SH3TC2: variants seen among roughly 807,000 people sequenced by gnomAD.
The protein encoded by SH3TC2 is SH3 domain and tetratricopeptide repeat-containing protein 2.
In SH3TC2, 87 loss-of-function variants were observed where a neutral mutation model predicts 124.5. The ratio of observed to expected loss-of-function variants is 0.70; its 90% confidence interval spans 0.59 to 0.84. The LOEUF is 0.84. SH3TC2 is among the 40% of genes least tolerant of loss of function. The probability of loss-of-function intolerance (pLI) is 0.00; values close to 1 mark genes in which losing one functional copy is unlikely to be tolerated. For missense variants in SH3TC2, 1,536 were observed against 1,566.4 expected (o/e 0.98, Z 0.33); for synonymous variants, 634 against 628.5 (o/e 1.01, Z -0.13).
chr5:149,007,283 T>C (rs1753707349), intron 15 of SH3TC2: 3 of 654,414 alleles, frequency 4.6e-6, no homozygotes, highest in Non-Finnish European at 8.3e-6. Flanking sequence ...CACAAACAAA[T>C]GTAACATTAC....
intron 14 of SH3TC2, among the ~76,000 whole-genome samples, chr5:149,009,912 C>T (rs1025938252): frequency 2.0e-5 from 3 of 152,084 alleles, no homozygotes; most frequent in African/African-American, 7.2e-5. Context: ...TAAATAATCT[C>T]CCACCACACC....
chr5:149,030,524 G>C (rs374135607), intron 9 of SH3TC2, among the ~76,000 whole-genome samples: 5 of 152,188 alleles, frequency 3.3e-5, no homozygotes, highest in African/African-American at 9.7e-5. Flanking sequence ...CAGACATCAG[G>C]CTCCCGCCTA....
rs1182765525 is a variant in SH3TC2 at position 148,984,934 on chromosome 5, CA to C, written c.*19776del. On this transcript the variant is annotated 3_prime_UTR_variant, in exon 17 of 17. Coordinates refer to ENST00000515425, the MANE Select transcript of SH3TC2 (RefSeq NM_024577.4). ...TAATGGGTTATAGAGGTACCATTTA[CA>C]AAGTGTATAAAACAGGACAGGAAGT... 1.3e-5 allele frequency among the ~76,000 whole-genome samples: 2 copies of C among 152,120 alleles called. No homozygotes were observed. Among genetic ancestry groups the C allele is most frequent in the Non-Finnish European group, 2.9e-5 (2 of 68,020 alleles).
At position 148,995,730 on chromosome 5, in the gene SH3TC2, A is replaced by G. The variant is rs754669664; in HGVS notation, c.*8981T>C. Among the ~76,000 whole-genome samples, 3 of 152,106 alleles carry G rather than the reference A, an allele frequency of 2.0e-5. No homozygotes were observed. Among genetic ancestry groups the G allele is most frequent in the Non-Finnish European group, 4.4e-5 (3 of 68,024 alleles). On this transcript the variant is annotated 3_prime_UTR_variant, in exon 17 of 17. Transcript: ENST00000515425. Reference sequence around the variant, plus strand: ...CTTTATTGAGAGCCTGCCATGCATCAGACACTGGGCTGGGCTCCAGAAATA... The same window carrying G: ...CTTTATTGAGAGCCTGCCATGCATCGGACACTGGGCTGGGCTCCAGAAATA...
chr5:148,993,479 TTGAG>T lies in SH3TC2; in HGVS notation c.*11228_*11231del, dbSNP rs1369630306. 6.6e-6 allele frequency among the ~76,000 whole-genome samples: 1 copy of T among 152,220 alleles called. No individual in the cohort carries two copies. The highest frequency in any genetic ancestry group is 1.9e-4 in the East Asian group (1 of 5,202). ...AACATTTATCTTGGAGTAAAAATGATTGAGTAAGCATTAATTAAGAAAATACTTT... is the reference window on the plus strand; with the variant it reads ...AACATTTATCTTGGAGTAAAAATGATTAAGCATTAATTAAGAAAATACTTT... On this transcript the variant is annotated 3_prime_UTR_variant, in exon 17 of 17. Transcript: ENST00000515425.
chr5:149,028,149 G>T lies in SH3TC2; in HGVS notation c.1583C>A (p.Ala528Asp), dbSNP rs537134516. The stretch of plus-strand genomic sequence containing the variant: ...CCGGCCCAGGAGGAAGCAGAGACGG[G>T]CATGGGCCCAGGTCATGTGGCTCTT... Reference protein sequence around the residue: ...AKKSHMTWAHARLCFLLGRLS... With the variant: ...AKKSHMTWAHDRLCFLLGRLS... Residue 528 changes from alanine (A) to aspartate (D), a missense_variant, in exon 11 of 17, where the codon GCC becomes GAC. Coordinates refer to ENST00000515425, the MANE Select transcript of SH3TC2 (RefSeq NM_024577.4). The T allele has an allele frequency of 2.5e-6, 4 of 1,614,092 alleles. No individual in the cohort carries two copies. The highest frequency in any genetic ancestry group is 3.4e-6 in the Non-Finnish European group (4 of 1,180,016).
At position 148,988,008 on chromosome 5, in the gene SH3TC2, T is replaced by A. The variant is rs574169561; in HGVS notation, c.*16703A>T. ...GTGCCGAGAATGCTGTTGCACCTCC[T>A]CTGGCCAAGGACAGAGAGTCATATC... On this transcript the variant is annotated 3_prime_UTR_variant, in exon 17 of 17. Coordinates refer to ENST00000515425, the MANE Select transcript of SH3TC2 (RefSeq NM_024577.4). Among the ~76,000 whole-genome samples, 18 of 152,262 alleles carry A rather than the reference T, an allele frequency of 1.2e-4. No individual in the cohort carries two copies. Among genetic ancestry groups the A allele is most frequent in the African/African-American group, 4.3e-4 (18 of 41,540 alleles).
At chr5:149,018,731 C>A (rs1222768450) in intron 12 of SH3TC2, among the ~76,000 whole-genome samples, 1 of 152,178 alleles carries the variant, frequency 6.6e-6, no homozygotes, top group Admixed American at 6.5e-5. Flanking sequence ...AGCTGATCAC[C>A]AAAACCTGTC....
chr5:149,004,549 C>A lies in SH3TC2; in HGVS notation c.*162G>T. 1 of 713,670 alleles carries A rather than the reference C, an allele frequency of 1.4e-6. No individual in the cohort carries two copies. Among genetic ancestry groups the A allele is most frequent in the Non-Finnish European group, 2.3e-6 (1 of 429,926 alleles). 44.2% of individuals were successfully genotyped at this position (713,670 alleles called of 1,614,324 possible). A position where few individuals can be genotyped will look rare whatever the true frequency, so the allele number is the denominator to read the frequency against. On this transcript the variant is annotated 3_prime_UTR_variant, in exon 17 of 17. Transcript: ENST00000515425. ...GCTGCACCATCAAATCTTTCTGTGG[C>A]CTGCAATGAGCCCTTCTCCTCCTGG...
intron 12 of SH3TC2, among the ~76,000 whole-genome samples, chr5:149,014,630 C>T (rs909306374): frequency 2.0e-5 from 3 of 152,174 alleles, no homozygotes; most frequent in African/African-American, 7.2e-5. Flanking sequence ...GATTTATTGA[C>T]ATCCCAATGG....
chr5:149,021,882 T>TTAAAGAAATTGAAGAGGAAGGAA (rs1753977762), intron 12 of SH3TC2, among the ~76,000 whole-genome samples: 6 of 55,296 alleles, frequency 1.1e-4, no homozygotes, highest in Non-Finnish European at 1.5e-4. Flanking sequence ...CACAAACTCT[T>TTAAAGAAATTGAAGAGGAAGGAA]TCTTTTTTTT....
At chr5:149,016,264 A>C (rs1195672880) in intron 12 of SH3TC2, among the ~76,000 whole-genome samples, 1 of 152,338 alleles carries the variant, frequency 6.6e-6, no homozygotes, top group African/African-American at 2.4e-5. Context: ...TTAAACCAGG[A>C]TCTAACTTTC....
intron 2 of SH3TC2, among the ~76,000 whole-genome samples, chr5:149,050,713 C>T (rs1322468039): frequency 2.0e-5 from 3 of 152,268 alleles, no homozygotes; most frequent in East Asian, 3.9e-4. Context: ...TATGGCTATA[C>T]CACCCTGAAC....
rs921675288 is a variant in SH3TC2 at position 149,001,640 on chromosome 5, A to G, written c.*3071T>C. 6.6e-6 allele frequency: 1 copy of G among 152,240 alleles called. No individual in the cohort carries two copies. The highest frequency in any genetic ancestry group is 1.5e-5 in the Non-Finnish European group (1 of 68,040). 9.4% of individuals were successfully genotyped at this position (152,240 alleles called of 1,614,324 possible). On this transcript the variant is annotated 3_prime_UTR_variant, in exon 17 of 17. Transcript: ENST00000515425. ...AAAAGAGTTTTAGCAAGCGGTTTAC[A>G]TATAGAATGTAGTAATTGCAATTAT...
chr5:149,021,867 T>G (rs1753976124), intron 12 of SH3TC2, among the ~76,000 whole-genome samples: 2 of 144,656 alleles, frequency 1.4e-5, no homozygotes, highest in Admixed American at 6.9e-5. Flanking sequence ...TTAACACCAA[T>G]CCTTCACAAA....
rs115896566 is a variant in SH3TC2 at position 149,041,672 on chromosome 5, G to A, written c.530-55C>T. 13,179 of 1,569,936 alleles carry A rather than the reference G, an allele frequency of 8.4e-3. 113 individuals carry two copies. The highest frequency in any genetic ancestry group is 8.6e-3 in the Non-Finnish European group (9,823 of 1,141,098). On this transcript the variant is annotated intron_variant, in intron 5 of 16. Transcript: ENST00000515425. ...CTAAGGAGTAGCAGGAAGTGAAAAC[G>A]GATTATCACACAAAGTAATGCTTCT...
At chr5:149,021,140 A>C (rs1199597984) in intron 12 of SH3TC2, among the ~76,000 whole-genome samples, 1 of 152,170 alleles carries the variant, frequency 6.6e-6, no homozygotes, top group African/African-American at 2.4e-5. Flanking sequence ...GGAAATTTGG[A>C]AAATTCACAA....
At chr5:149,028,820 C>T (rs184345798) in intron 9 of SH3TC2, 102 bp from the exon 10 acceptor site, 2 of 1,140,892 alleles carry the variant, frequency 1.8e-6, no homozygotes. Context: ...GGAGCCTTGG[C>T]ATTCAAGACC....
intron 4 of SH3TC2, among the ~76,000 whole-genome samples, chr5:149,043,263 A>G (rs1177225788): frequency 6.6e-6 from 1 of 152,072 alleles, no homozygotes; most frequent in Non-Finnish European, 1.5e-5. Context: ...GAGGTTCTAC[A>G]TGGCTCCCCC....
Sources: gnomAD v4.1 joint callset for allele counts (sites outside exome capture counted in the v4.1 genomes callset) on GRCh38, gnomAD v4.1.1 for gene constraint, MANE v1.5 for transcripts, NCBI Gene and HGNC (gene_info 2026-07-23, HGNC 2026-07-21) for gene names.